Variants in GPC6 observed in about 807,000 individuals in gnomAD.
GPC6 encodes the protein glypican 6, also known as glypican-6.
Under a neutral mutation model 55.2 loss-of-function variants are expected in GPC6, and 14 were observed. The observed-to-expected ratio is 0.25, with a 90% CI of 0.17 to 0.40. GPC6 has a LOEUF of 0.40. Among genes scored for constraint, GPC6 ranks in the 10% least tolerant of loss-of-function variants. The probability of loss-of-function intolerance (pLI) is 1.00; values close to 1 mark genes in which losing one functional copy is unlikely to be tolerated. For synonymous variants in GPC6, 278 were observed against 259.6 expected (o/e 1.07, Z -0.68); for missense variants, 641 against 708.5 (o/e 0.90, Z 1.08).
chr13:93,512,870 TATA>T (rs1488444258), intron 1 of GPC6, among the ~76,000 whole-genome samples: 1 of 152,176 alleles, frequency 6.6e-6, no homozygotes, highest in African/African-American at 2.4e-5. Flanking sequence ...AGCAGATAAC[TATA>T]ATATCAGAGA....
At chr13:93,345,627 G>T (rs1880401278) in intron 1 of GPC6, among the ~76,000 whole-genome samples, 1 of 152,118 alleles carries the variant, frequency 6.6e-6, no homozygotes, top group African/African-American at 2.4e-5. Flanking sequence ...TCATTCATTG[G>T]AGTTTCATAC....
intron 4 of GPC6, among the ~76,000 whole-genome samples, chr13:94,219,020 C>T (rs1359321983): frequency 1.3e-5 from 2 of 152,072 alleles, no homozygotes; most frequent in African/African-American, 4.8e-5. Flanking sequence ...GATAAATAGC[C>T]TCATAGCCTG....
intron 3 of GPC6, among the ~76,000 whole-genome samples, chr13:93,883,438 T>A (rs1875121568): frequency 6.6e-6 from 1 of 152,146 alleles, no homozygotes; most frequent in African/African-American, 2.4e-5. Flanking sequence ...CATGCCAACA[T>A]CTATTTTTTT....
intron 4 of GPC6, among the ~76,000 whole-genome samples, chr13:94,045,712 AG>A (rs1883707804): frequency 1.3e-5 from 2 of 151,392 alleles, no homozygotes; most frequent in African/African-American, 4.8e-5. Context: ...TTAGCAATAT[AG>A]AAACCAGAGG....
intron 3 of GPC6, among the ~76,000 whole-genome samples, chr13:93,894,483 C>T (rs1321035023): frequency 6.6e-6 from 1 of 151,906 alleles, no homozygotes; most frequent in Non-Finnish European, 1.5e-5. Context: ...TCCACATATG[C>T]ATTGCAAACC....
Position 93,398,956 on chromosome 13 carries a change from G to A in GPC6, c.161-146307G>A, listed in dbSNP as rs146008035. On this transcript the variant is annotated intron_variant, in intron 1 of 8. Transcript: ENST00000377047. Reference sequence around the variant, plus strand: ...GATGCCAATCTTCTTTTAGTGTTTCGCAAATCATTATCTCAGGCCAGAAAG... The same window carrying A: ...GATGCCAATCTTCTTTTAGTGTTTCACAAATCATTATCTCAGGCCAGAAAG... Among the ~76,000 whole-genome samples, 30 of 152,020 alleles carry A rather than the reference G, an allele frequency of 2.0e-4. No individual in the cohort carries two copies. In the East Asian group the frequency reaches 5.0e-3, roughly 26 times the overall value.
In GPC6 at chr13:93,363,593, A is replaced by T. The variant is rs535701639; in HGVS notation, c.160+135977A>T. ...TATTGTGAATAATGCCGCAATAAACATACGTGTGCATGTGTCTTTATAGCA... is the reference window on the plus strand; with the variant it reads ...TATTGTGAATAATGCCGCAATAAACTTACGTGTGCATGTGTCTTTATAGCA... On this transcript the variant is annotated intron_variant, in intron 1 of 8. Transcript: ENST00000377047. Among the ~76,000 whole-genome samples the T allele has an allele frequency of 1.6e-4, 25 of 151,992 alleles. No homozygotes were observed. The South Asian group carries it at 2.1e-3, about 13-fold the overall frequency.
At chr13:93,691,394 A>T (rs1288746078) in intron 2 of GPC6, among the ~76,000 whole-genome samples, 1 of 144,940 alleles carries the variant, frequency 6.9e-6, no homozygotes, top group Non-Finnish European at 1.5e-5. Flanking sequence ...TTATTCCTAT[A>T]TATTTTTTTT....
At chr13:93,282,148 T>C (rs549044172) in intron 1 of GPC6, among the ~76,000 whole-genome samples, 20 of 152,316 alleles carry the variant, frequency 1.3e-4, no homozygotes, top group African/African-American at 4.6e-4. Flanking sequence ...CAAGTTATAT[T>C]ATTTCTTGGG....
chr13:93,859,873 G>T (rs1029980199), intron 3 of GPC6, among the ~76,000 whole-genome samples: 2 of 151,536 alleles, frequency 1.3e-5, no homozygotes, highest in African/African-American at 4.8e-5. Context: ...TGAATCAGTG[G>T]GTTCCCACTC....
At chr13:93,672,332 G>A (rs1881395069) in intron 2 of GPC6, among the ~76,000 whole-genome samples, 1 of 151,570 alleles carries the variant, frequency 6.6e-6, no homozygotes, top group South Asian at 2.1e-4. Context: ...TAGTGTCTGT[G>A]GTGGCTTTTT....
chr13:94,016,780 T>G (rs1027240991), intron 3 of GPC6, among the ~76,000 whole-genome samples: 10 of 152,218 alleles, frequency 6.6e-5, no homozygotes, highest in African/African-American at 2.4e-4. Flanking sequence ...TGTAAAATTC[T>G]ATCATTTCTT....
chr13:93,833,110 AGAGAG>A (rs1887587693), intron 3 of GPC6, among the ~76,000 whole-genome samples: 41 of 17,210 alleles, frequency 2.4e-3, no homozygotes, highest in African/African-American at 0.011. Context: ...TAGATGATAG[AGAGAG>A]AGAGAGAGAG....
chr13:93,685,742 A>G (rs1194012002), intron 2 of GPC6, among the ~76,000 whole-genome samples: 1 of 152,166 alleles, frequency 6.6e-6, no homozygotes. Context: ...AAAAAAACAA[A>G]CAGCTCTTTT....
chr13:94,287,846 T>C (rs998732051), intron 5 of GPC6, among the ~76,000 whole-genome samples: 2 of 152,200 alleles, frequency 1.3e-5, no homozygotes, highest in African/African-American at 4.8e-5. Flanking sequence ...GTGCTAAGAT[T>C]GCTAATGTTA....
At chr13:93,323,510 T>A (rs2139126044) in intron 1 of GPC6, among the ~76,000 whole-genome samples, 1 of 152,326 alleles carries the variant, frequency 6.6e-6, no homozygotes, top group South Asian at 2.1e-4. Context: ...ATGCCTCAGT[T>A]GCCAGTTTTC....
intron 1 of GPC6, among the ~76,000 whole-genome samples, chr13:93,449,598 T>A (rs535107177): frequency 6.6e-6 from 1 of 152,218 alleles, no homozygotes; most frequent in South Asian, 2.1e-4. Context: ...GAGGCCGAGG[T>A]GGGTGGATCA....
intron 6 of GPC6, among the ~76,000 whole-genome samples, chr13:94,354,378 CA>C (rs1439753681): frequency 6.6e-6 from 1 of 151,914 alleles, no homozygotes. Flanking sequence ...CATTCTTTCC[CA>C]GGGGCATCAA....
At chr13:93,861,010 A>G (rs578143671) in intron 3 of GPC6, among the ~76,000 whole-genome samples, 1 of 151,272 alleles carries the variant, frequency 6.6e-6, no homozygotes, top group South Asian at 2.1e-4. Flanking sequence ...GTTACATAAC[A>G]GCTCTGTGTC....
Sources: allele counts gnomAD v4.1 joint callset (sites outside exome capture counted in the v4.1 genomes callset), GRCh38; gene constraint gnomAD v4.1.1; transcripts MANE v1.5; gene names NCBI Gene and HGNC (gene_info 2026-07-23, HGNC 2026-07-21).